Variants in ZNF577 observed in about 807,000 individuals in gnomAD.
ZNF577 encodes the protein zinc finger protein 577.
In ZNF577, 14 loss-of-function variants were observed where a neutral mutation model predicts 13.9. That is an observed-to-expected ratio of 1.00 (90% CI 0.66 to 1.57). ZNF577 has a LOEUF of 1.57. Ranked by LOEUF, ZNF577 falls within the 40% of genes most tolerant of loss-of-function variation. The pLI is 0.00. For synonymous variants in ZNF577, 203 were observed against 202.9 expected, an observed-to-expected ratio of 1.00 and a Z score of 0.00; for missense variants, 555 against 579.2, an observed-to-expected ratio of 0.96 and a Z score of 0.43.
rs143644530 is a variant in ZNF577, at chr19:51,824,189, G to A, written c.*600-12515C>T. 82 of 1,614,084 alleles carry A rather than the reference G, an allele frequency of 5.1e-5. No individual in the cohort carries two copies. The highest frequency in any genetic ancestry group is 3.0e-4 in the South Asian group (27 of 91,072). On this transcript the variant is annotated intron_variant and NMD_transcript_variant, in intron 9 of 10. Transcript: ENST00000638827. The surrounding 1 kb of genome is among the most constrained non-coding windows in gnomAD (Gnocchi z 4.7). ...TGAGTCTGGCCAAGAGGGTGATGACGGGACTCTGGATTTTCACCATAGTCC... is the reference window on the plus strand; with the variant it reads ...TGAGTCTGGCCAAGAGGGTGATGACAGGACTCTGGATTTTCACCATAGTCC...
At chr19:51,863,425 AAAT>A (rs1215968700), downstream of ZNF577, among the ~76,000 whole-genome samples, 15 of 152,228 alleles carry the variant, frequency 9.9e-5, no homozygotes, top group Non-Finnish European at 1.6e-4. Context: ...TCTGTATTTT[AAAT>A]AATAATACTA....
At chr19:51,877,765 C>A in intron 4 of ZNF577, 1 of 171,934 alleles carries the variant, frequency 5.8e-6, no homozygotes, top group Admixed American at 5.9e-5. Flanking sequence ...GGGTATATAC[C>A]CCAAAGAATG....
At chr19:51,805,760 C>T (rs2084054665) in intron 10 of ZNF577, among the ~76,000 whole-genome samples, 1 of 152,106 alleles carries the variant, frequency 6.6e-6, no homozygotes, top group Non-Finnish European at 1.5e-5. Flanking sequence ...TTACAGAGGA[C>T]ATCACAACAG....
intron 5 of ZNF577, among the ~76,000 whole-genome samples, chr19:51,855,077 A>G (rs2084404151): frequency 6.6e-6 from 1 of 152,174 alleles, no homozygotes; most frequent in Non-Finnish European, 1.5e-5. Flanking sequence ...GTTTCAGTTG[A>G]CAACCTCATT....
At chr19:51,820,183 CAG>C (rs1350500518) in intron 9 of ZNF577, among the ~76,000 whole-genome samples, 1 of 152,150 alleles carries the variant, frequency 6.6e-6, no homozygotes, top group Non-Finnish European at 1.5e-5. Context: ...TTTAATGCAT[CAG>C]AAATCACACG....
In ZNF577 at chr19:51,824,381, C is replaced by T. The variant is rs1298292562; in HGVS notation, c.*600-12707G>A. 8.7e-6 allele frequency: 14 copies of T among 1,613,990 alleles called. No homozygotes were observed. Among genetic ancestry groups the T allele is most frequent in the African/African-American group, 4.0e-5 (3 of 74,920 alleles). On this transcript the variant is annotated intron_variant and NMD_transcript_variant, in intron 9 of 10. Transcript: ENST00000638827. This position sits in a 1 kb window ranked among gnomAD's most constrained non-coding sequence, Gnocchi z 4.7. Reference sequence around the variant, plus strand: ...TCCTCCACTTCATTATTGGCTTCAGCGTGCCTATGTCCATCATCACAGTCT... The same window carrying T: ...TCCTCCACTTCATTATTGGCTTCAGTGTGCCTATGTCCATCATCACAGTCT...
downstream of ZNF577, among the ~76,000 whole-genome samples, chr19:51,863,538 C>G (rs1218546541): frequency 6.6e-6 from 1 of 152,046 alleles, no homozygotes; most frequent in East Asian, 1.9e-4. Flanking sequence ...GGGTAGAGTT[C>G]AGAAAAACCA....
intron 5 of ZNF577, among the ~76,000 whole-genome samples, chr19:51,859,260 T>C (rs2084472142): frequency 6.6e-6 from 1 of 152,188 alleles, no homozygotes; most frequent in African/African-American, 2.4e-5. Context: ...ATTTGAGTTT[T>C]TTCAACCAAA....
rs1288538240 is a variant in ZNF577 at position 51,824,209 on chromosome 19, T to C, written c.*600-12535A>G. 6 of 1,614,148 alleles carry C rather than the reference T, an allele frequency of 3.7e-6. No individual in the cohort carries two copies. The highest frequency in any genetic ancestry group is 1.7e-4 in the Middle Eastern group (1 of 6,060). On this transcript the variant is annotated intron_variant and NMD_transcript_variant, in intron 9 of 10. Coordinates refer to the ZNF577 transcript ENST00000638827. This position sits in a 1 kb window ranked among gnomAD's most constrained non-coding sequence, Gnocchi z 4.7. ...ATGACGGGACTCTGGATTTTCACCATAGTCCTTACCTTACCAAATTTCATC... is the reference window on the plus strand; with the variant it reads ...ATGACGGGACTCTGGATTTTCACCACAGTCCTTACCTTACCAAATTTCATC...
chr19:51,810,673 G>A (rs900950688), intron 10 of ZNF577, among the ~76,000 whole-genome samples: 1 of 152,138 alleles, frequency 6.6e-6, no homozygotes, highest in African/African-American at 2.4e-5. Flanking sequence ...ATGCACTAGT[G>A]GACAAGCAAG....
intron 10 of ZNF577, among the ~76,000 whole-genome samples, chr19:51,807,928 CTGTT>C (rs2084071051): frequency 6.6e-6 from 1 of 152,216 alleles, no homozygotes; most frequent in Non-Finnish European, 1.5e-5. Flanking sequence ...AAGGTTTTGA[CTGTT>C]TGATTAGATA....
At chr19:51,809,946 G>T (rs770836046) in intron 10 of ZNF577, among the ~76,000 whole-genome samples, 18 of 152,238 alleles carry the variant, frequency 1.2e-4, no homozygotes, top group Non-Finnish European at 1.8e-4. Context: ...CAGCAGGGGG[G>T]TGCCATTCTG....
chr19:51,850,412 T>C (rs531276864), intron 5 of ZNF577, among the ~76,000 whole-genome samples: 3 of 152,308 alleles, frequency 2.0e-5, no homozygotes, highest in Non-Finnish European at 4.4e-5. Flanking sequence ...CTTATTGGCA[T>C]TATTCTGCAT....
At chr19:51,830,616 CT>C (rs1332086657) in intron 9 of ZNF577, among the ~76,000 whole-genome samples, 4 of 152,188 alleles carry the variant, frequency 2.6e-5, no homozygotes, top group African/African-American at 9.7e-5. Context: ...TCTTAGGCCC[CT>C]AAGCATATAT....
At chr19:51,866,888 A>G (rs1599863970), downstream of ZNF577, among the ~76,000 whole-genome samples, 2 of 152,126 alleles carry the variant, frequency 1.3e-5, no homozygotes, top group South Asian at 2.1e-4. Flanking sequence ...GGCTGGGGCA[A>G]GAGAATCACT....
chr19:51,873,435 G>C lies in ZNF577; in HGVS notation c.555C>G (p.Pro185=). The C allele has an allele frequency of 6.2e-7, 1 of 1,614,034 alleles. No individual in the cohort carries two copies. The highest frequency in any genetic ancestry group is 8.5e-7 in the Non-Finnish European group (1 of 1,180,022). Residue 185 remains proline (P), a synonymous_variant, in exon 6 of 6, where the codon CCC becomes CCG. Coordinates refer to ENST00000638348, the MANE Select transcript of ZNF577 (RefSeq NM_001370449.1). ...QHQRTERGEK[P]HGCGECGKTF... ...TTTTCCCACATTCACCACATCCATG[G>C]GGTTTCTCTCCTCTTTCAGTTCTCT...
chr19:51,824,440 A>G lies in ZNF577; in HGVS notation c.*600-12766T>C. On this transcript the variant is annotated intron_variant and NMD_transcript_variant, in intron 9 of 10. Coordinates refer to the ZNF577 transcript ENST00000638827. The surrounding 1 kb of genome is among the most constrained non-coding windows in gnomAD (Gnocchi z 4.7). ...ATCATCGCTGCCAAAATTCACAGAAACCACATGATTAAATCCAGCCGTCCC... is the reference window on the plus strand; with the variant it reads ...ATCATCGCTGCCAAAATTCACAGAAGCCACATGATTAAATCCAGCCGTCCC... 6.2e-7 allele frequency: 1 copy of G among 1,614,044 alleles called. No homozygotes were observed. The highest frequency in any genetic ancestry group is 8.5e-7 in the Non-Finnish European group (1 of 1,179,982).
Position 51,824,645 on chromosome 19 carries a change from A to C in ZNF577, c.*600-12971T>G, listed in dbSNP as rs1402415553. 1 of 1,614,060 alleles carries C rather than the reference A, an allele frequency of 6.2e-7. No homozygotes were observed. On this transcript the variant is annotated intron_variant and NMD_transcript_variant, in intron 9 of 10. Coordinates refer to the ZNF577 transcript ENST00000638827. The surrounding 1 kb of genome is among the most constrained non-coding windows in gnomAD (Gnocchi z 4.7). ...CCTTTTTTAACAGCTGCCTCAACCC[A>C]ATTCTCTACGTCTTTATGGGTCGTA...
chr19:51,826,719 T>A (rs2084233961), intron 9 of ZNF577, among the ~76,000 whole-genome samples: 1 of 152,182 alleles, frequency 6.6e-6, no homozygotes, highest in Non-Finnish European at 1.5e-5. Context: ...GTCAAATCAG[T>A]TTCCCTCAAG....
Sources: allele counts gnomAD v4.1 joint callset (sites outside exome capture counted in the v4.1 genomes callset), GRCh38; gene constraint gnomAD v4.1.1; non-coding constraint Gnocchi (gnomAD v3.1); transcripts MANE v1.5; gene names NCBI Gene and HGNC (gene_info 2026-07-23, HGNC 2026-07-21).